The following RNF145 variants were observed in gnomAD, a reference collection of about 807,000 sequenced individuals.
RNF145 encodes the protein ring finger protein 145.
Under a neutral mutation model 57.3 loss-of-function variants are expected in RNF145, and 12 were observed. The ratio of observed to expected loss-of-function variants is 0.21; its 90% CI spans 0.13 to 0.34. The LOEUF (loss-of-function observed/expected upper bound fraction) is 0.34, where lower values mean the gene tolerates loss of function less well. Among genes scored for constraint, RNF145 ranks in the 10% least tolerant of loss-of-function variants. RNF145 has a pLI of 1.00. For synonymous variants in RNF145, 262 were observed against 288.3 expected (o/e 0.91, Z 0.92); for missense variants, 429 against 799.0 (o/e 0.54, Z 5.58).
chr5:159,172,532 T>C (rs942671649), intron 6 of RNF145, among the ~76,000 whole-genome samples: 8 of 151,754 alleles, frequency 5.3e-5, no homozygotes, highest in Non-Finnish European at 1.0e-4. Flanking sequence ...CAAAAACAAA[T>C]AGCAGTCAAA....
intron 1 of RNF145, chr5:159,207,545 A>G: frequency 6.3e-7 from 1 of 1,581,898 alleles, no homozygotes; most frequent in Non-Finnish European, 8.5e-7. Context: ...TGATCTTAAG[A>G]AAAGTAAATT....
chr5:159,199,566 T>C (rs1351204667), intron 2 of RNF145, among the ~76,000 whole-genome samples: 1 of 152,202 alleles, frequency 6.6e-6, no homozygotes, highest in Admixed American at 6.5e-5. Flanking sequence ...TTCTAATTTC[T>C]ACCTTGCCAG....
At chr5:159,174,467 G>A (rs1784651209) in intron 5 of RNF145, among the ~76,000 whole-genome samples, 1 of 152,082 alleles carries the variant, frequency 6.6e-6, no homozygotes, top group Non-Finnish European at 1.5e-5. Flanking sequence ...GGTAGTTTGA[G>A]GAGACTTGGT....
intron 6 of RNF145, among the ~76,000 whole-genome samples, chr5:159,173,555 T>A (rs747463013): frequency 2.6e-4 from 40 of 152,200 alleles, no homozygotes; most frequent in Non-Finnish European, 4.4e-4. Flanking sequence ...TCTTCAGCTA[T>A]AAAATGGTAA....
chr5:159,164,043 A>G (rs1784317439), intron 8 of RNF145, among the ~76,000 whole-genome samples: 1 of 152,236 alleles, frequency 6.6e-6, no homozygotes, highest in South Asian at 2.1e-4. Flanking sequence ...AAAGAGACAC[A>G]AATAACATAA....
intron 2 of RNF145, among the ~76,000 whole-genome samples, chr5:159,195,787 A>G (rs1190228821): frequency 2.0e-5 from 3 of 152,250 alleles, no homozygotes; most frequent in African/African-American, 7.2e-5. Flanking sequence ...TGTTATCAAC[A>G]AAGTTACTGA....
upstream of RNF145, chr5:159,209,675 C>T: frequency 2.1e-6 from 2 of 953,196 alleles, no homozygotes; most frequent in Admixed American, 3.7e-5. Context: ...TCCGCACCGC[C>T]TCCGGTGCGT....
intron 6 of RNF145, among the ~76,000 whole-genome samples, chr5:159,171,969 C>T (rs567687153): frequency 6.6e-6 from 1 of 152,174 alleles, no homozygotes; most frequent in African/African-American, 2.4e-5. Flanking sequence ...CTAAACTTCA[C>T]AGAATATCCG....
intron 3 of RNF145, among the ~76,000 whole-genome samples, chr5:159,190,462 G>GAT (rs952395090): frequency 6.6e-6 from 1 of 151,990 alleles, no homozygotes; most frequent in African/African-American, 2.4e-5. Context: ...GAGGCAGGAG[G>GAT]ATATCTTGAG....
intron 8 of RNF145, among the ~76,000 whole-genome samples, chr5:159,165,331 G>C (rs1204212331): frequency 6.6e-6 from 1 of 151,782 alleles, no homozygotes; most frequent in East Asian, 1.9e-4. Context: ...TTATAGTTTG[G>C]TTTTATCTAT....
chr5:159,161,259 G>A lies in RNF145; in HGVS notation c.1626+7C>T. 1 of 1,559,718 alleles carries A rather than the reference G, an allele frequency of 6.4e-7. No homozygotes were observed. The highest frequency in any genetic ancestry group is 8.8e-7 in the Non-Finnish European group (1 of 1,135,610). On this transcript the variant is annotated splice_region_variant and intron_variant, in intron 10 of 10. Transcript: ENST00000424310. The stretch of plus-strand genomic sequence containing the variant: ...TTACCCAAACACATTCTTATTGAAG[G>A]AGTTACCTGATAACAGATGGCACAA...
intron 3 of RNF145, among the ~76,000 whole-genome samples, chr5:159,192,861 A>G (rs1785332397): frequency 6.6e-6 from 1 of 152,254 alleles, no homozygotes; most frequent in African/African-American, 2.4e-5. Context: ...TTTATAAAAT[A>G]GAACAGTTAC....
chr5:159,203,326 C>A, intron 2 of RNF145, 108 bp downstream of exon 2: 1 of 736,116 alleles, frequency 1.4e-6, no homozygotes, highest in Non-Finnish European at 2.4e-6. Flanking sequence ...AACTATATCA[C>A]TATCATCTTA....
At chr5:159,198,137 G>A (rs970611614) in intron 2 of RNF145, among the ~76,000 whole-genome samples, 2 of 152,026 alleles carry the variant, frequency 1.3e-5, no homozygotes, top group South Asian at 2.1e-4. Context: ...ACCTACTGAG[G>A]AGGCTGAGGT....
intron 9 of RNF145, among the ~76,000 whole-genome samples, chr5:159,162,425 C>CTTTTTTTTT (rs201178143): frequency 2.2e-4 from 30 of 134,592 alleles, no homozygotes; most frequent in Non-Finnish European, 2.5e-4. Context: ...GTAATATTTT[C>CTTTTTTTTT]TTTTTTTTTT....
chr5:159,179,254 A>C (rs1241399057), intron 4 of RNF145, among the ~76,000 whole-genome samples: 1 of 152,086 alleles, frequency 6.6e-6, no homozygotes, highest in African/African-American at 2.4e-5. Flanking sequence ...AAAAGAAGGA[A>C]GGAGTCATAT....
intron 6 of RNF145, among the ~76,000 whole-genome samples, chr5:159,172,923 T>C (rs1004024296): frequency 2.6e-5 from 4 of 152,208 alleles, no homozygotes; most frequent in African/African-American, 9.7e-5. Flanking sequence ...TCATCCCTAC[T>C]TTTTAAAGTG....
chr5:159,164,255 A>C (rs896875655), intron 8 of RNF145, among the ~76,000 whole-genome samples: 3 of 152,172 alleles, frequency 2.0e-5, no homozygotes, highest in African/African-American at 7.2e-5. Context: ...AATAATAATA[A>C]TCAGAAATTA....
At chr5:159,206,989 A>T (rs999341690) in intron 1 of RNF145, among the ~76,000 whole-genome samples, 4 of 152,190 alleles carry the variant, frequency 2.6e-5, no homozygotes, top group Non-Finnish European at 4.4e-5. Flanking sequence ...TTCTTTCCAA[A>T]AACCACAAGA....
Sources: gnomAD v4.1 joint callset for allele counts (sites outside exome capture counted in the v4.1 genomes callset) on GRCh38, gnomAD v4.1.1 for gene constraint, MANE v1.5 for transcripts, NCBI Gene and HGNC (gene_info 2026-07-23, HGNC 2026-07-21) for gene names.